IPO5: variants seen among roughly 807,000 people sequenced by gnomAD.
IPO5 encodes importin-5.
In IPO5, 18 loss-of-function variants were observed where a neutral mutation model predicts 143.3. That is an observed-to-expected ratio of 0.13 (90% CI 0.09 to 0.19). IPO5 has a LOEUF of 0.19. Ranked by LOEUF, IPO5 falls within the 10% of genes least tolerant of loss-of-function variation. IPO5 has a pLI of 1.00. For synonymous variants in IPO5, 477 were observed against 465.7 expected (o/e 1.02, Z -0.31); for missense variants, 1,013 against 1,336.9 (o/e 0.76, Z 3.78).
chr13:97,975,907 C>T, intron 3 of IPO5: 1 of 985,496 alleles, frequency 1.0e-6, no homozygotes, highest in Non-Finnish European at 1.2e-6. Flanking sequence ...GCGTGAGTCA[C>T]TGGAGAGCGC....
chr13:97,959,361 C>T (rs986575245), intron 2 of IPO5, among the ~76,000 whole-genome samples: 2 of 151,932 alleles, frequency 1.3e-5, no homozygotes, highest in Non-Finnish European at 1.5e-5. Context: ...CTCTGTCCTT[C>T]GTATTGTCAC....
At position 97,976,676 on chromosome 13, in the gene IPO5, T is replaced by C; in HGVS notation, c.-4-17T>C. 2.4e-6 allele frequency: 3 copies of C among 1,250,028 alleles called. No homozygotes were observed. Among genetic ancestry groups the C allele is most frequent in the Middle Eastern group, 2.2e-4 (1 of 4,562 alleles). 77.4% of individuals were successfully genotyped at this position (1,250,028 alleles called of 1,614,324 possible). A position where few individuals can be genotyped will look rare whatever the true frequency, so the allele number is the denominator to read the frequency against. ...CACGGCTCCTGTCTCCCCTCCCTCC[T>C]TCTCTCTCACGCCTAGCGCAATGGC... On this transcript the variant is annotated splice_polypyrimidine_tract_variant and intron_variant, in intron 3 of 28. Coordinates refer to ENST00000651721, the MANE Select transcript of IPO5 (RefSeq NM_002271.6).
intron 2 of IPO5, among the ~76,000 whole-genome samples, chr13:97,957,738 TTA>T (rs1378631780): frequency 6.6e-6 from 1 of 152,210 alleles, no homozygotes; most frequent in Non-Finnish European, 1.5e-5. Flanking sequence ...GTTCTGATCA[TTA>T]GGGCCTACTT....
Position 97,993,165 on chromosome 13 carries a change from A to G in IPO5, c.853A>G (p.Thr285Ala). 1.2e-6 allele frequency: 2 copies of G among 1,613,888 alleles called. No individual in the cohort carries two copies. The highest frequency in any genetic ancestry group is 1.7e-6 in the Non-Finnish European group (2 of 1,179,800). The change falls in exon 11 of 29, where the codon ACC (threonine) becomes GCC (alanine). Residue 285 changes from threonine to alanine, a missense_variant. Thr to Ala is a moderately conservative substitution (Grantham distance 58). This residue lies in a region of IPO5 where 685 missense variants were observed against 994.9 expected (regional missense o/e 0.69). Coordinates refer to ENST00000651721, the MANE Select transcript of IPO5 (RefSeq NM_002271.6). Reference protein sequence around the residue: ...QRQLALEVIVTLSETAAAMLR... With the variant: ...QRQLALEVIVALSETAAAMLR... ...CCAGCTTGCCCTTGAAGTGATCGTC[A>G]CCCTCTCTGAGACTGCAGCTGCTAT... is the stretch of plus-strand genomic sequence containing the variant.
At chr13:98,002,248 C>A in intron 13 of IPO5, 1 of 325,966 alleles carries the variant, frequency 3.1e-6, no homozygotes, top group South Asian at 7.1e-5. Flanking sequence ...ATCTCCTGAC[C>A]TTGTGATCCG....
At chr13:98,002,410 C>G in intron 13 of IPO5, 57 bp from the exon 14 acceptor site, 3 of 1,536,674 alleles carry the variant, frequency 2.0e-6, no homozygotes, top group Non-Finnish European at 1.8e-6. Flanking sequence ...CTCCCTCTAC[C>G]AGAATGACAT....
intron 2 of IPO5, among the ~76,000 whole-genome samples, chr13:97,968,842 C>G (rs536093586): frequency 2.1e-4 from 32 of 152,136 alleles, no homozygotes; most frequent in African/African-American, 7.5e-4. Flanking sequence ...CCGCCTGCCA[C>G]TACACCCAGC....
intron 8 of IPO5, 90 bp downstream of exon 8, chr13:97,990,312 A>G (rs979160929): frequency 8.7e-7 from 1 of 1,144,770 alleles, no homozygotes; most frequent in Non-Finnish European, 1.3e-6. Context: ...TTTCACTTTT[A>G]TACTTTAAAA....
At chr13:97,998,621 C>T (rs1239431446) in intron 12 of IPO5, among the ~76,000 whole-genome samples, 1 of 152,190 alleles carries the variant, frequency 6.6e-6, no homozygotes, top group Non-Finnish European at 1.5e-5. Context: ...ATTCACTGTG[C>T]AGTAGTAATG....
chr13:98,006,388 T>G, intron 17 of IPO5, 40 bp downstream of exon 17: 1 of 701,934 alleles, frequency 1.4e-6, no homozygotes, highest in East Asian at 3.8e-5. Flanking sequence ...TTTTTTTTTT[T>G]TTTTGAGACA....
chr13:97,974,684 A>AC (rs1269362966), intron 3 of IPO5, among the ~76,000 whole-genome samples: 2 of 22,082 alleles, frequency 9.1e-5, no homozygotes, highest in Non-Finnish European at 7.9e-5. Context: ...AACGACCCAC[A>AC]AAAAAAAAAA....
At chr13:97,991,722 A>G (rs959566186) in intron 9 of IPO5, among the ~76,000 whole-genome samples, 1 of 152,220 alleles carries the variant, frequency 6.6e-6, no homozygotes, top group African/African-American at 2.4e-5. Context: ...TGATTGATAC[A>G]GTAGTTACAT....
chr13:97,995,124 C>CA (rs1281466925), intron 11 of IPO5, among the ~76,000 whole-genome samples: 1,208 of 76,320 alleles, frequency 0.016, 7 homozygotes, highest in African/African-American at 0.03. Context: ...GACCCTGTCT[C>CA]AAAAAAAAAA....
chr13:98,015,258 G>GTGTA (rs1890046986), intron 22 of IPO5, among the ~76,000 whole-genome samples: 1 of 151,828 alleles, frequency 6.6e-6, no homozygotes, highest in South Asian at 2.1e-4. Context: ...GTGTGTGTGT[G>GTGTA]TGTGTGTGTG....
intron 12 of IPO5, among the ~76,000 whole-genome samples, chr13:97,998,363 A>G (rs7985231): frequency 0.02 from 3,039 of 152,280 alleles, 108 homozygotes; most frequent in African/African-American, 0.069. Context: ...ATATCTTTTA[A>G]AACGTGTATA....
chr13:97,956,158 TAAAAAA>T (rs1185586786), intron 2 of IPO5, among the ~76,000 whole-genome samples: 1 of 149,342 alleles, frequency 6.7e-6, no homozygotes, highest in Non-Finnish European at 1.5e-5. Context: ...ACAAAAAAAG[TAAAAAA>T]TAAAAATAAT....
chr13:97,985,347 A>G, intron 5 of IPO5, 74 bp from the exon 6 acceptor site: 1 of 1,230,332 alleles, frequency 8.1e-7, no homozygotes, highest in Non-Finnish European at 1.2e-6. Context: ...GCGCTTTTGA[A>G]ATATAAAAAT....
At chr13:98,004,641 A>G (rs946181763) in intron 16 of IPO5, among the ~76,000 whole-genome samples, 2 of 152,158 alleles carry the variant, frequency 1.3e-5, no homozygotes, top group African/African-American at 4.8e-5. Flanking sequence ...AGTTGTACGA[A>G]GAGAAGGTAG....
intron 2 of IPO5, among the ~76,000 whole-genome samples, chr13:97,960,869 C>A (rs566242574): frequency 6.6e-6 from 1 of 152,170 alleles, no homozygotes; most frequent in East Asian, 1.9e-4. Flanking sequence ...TAAAGTTCAA[C>A]CTTCTAAAGT....
Sources: gnomAD v4.1 joint callset for allele counts (sites outside exome capture counted in the v4.1 genomes callset) on GRCh38, gnomAD v4.1.1 for gene constraint, gnomAD v4.1.1 regional missense constraint, MANE v1.5 for transcripts, NCBI Gene and HGNC (gene_info 2026-07-23, HGNC 2026-07-21) for gene names.